Variants in MACROD2 observed in about 807,000 individuals in gnomAD.
MACROD2 encodes ADP-ribose glycohydrolase MACROD2.
In MACROD2, 36 loss-of-function variants were observed where a neutral mutation model predicts 70.4. That is an observed-to-expected ratio of 0.51 (90% confidence interval 0.39 to 0.68). MACROD2 has a LOEUF of 0.68. MACROD2 is among the 30% of genes least tolerant of loss of function. The pLI is 0.00. For synonymous variants in MACROD2, 172 were observed against 178.8 expected (o/e 0.96, Z 0.30); for missense variants, 496 against 538.4 (o/e 0.92, Z 0.78).
chr20:15,835,066 T>A (rs978472810), intron 8 of MACROD2, among the ~76,000 whole-genome samples: 1 of 152,178 alleles, frequency 6.6e-6, no homozygotes, highest in African/African-American at 2.4e-5. Context: ...ACAATCTCAA[T>A]TGGAGAGGAT....
At chr20:14,887,596 C>G (rs2073695944) in intron 5 of MACROD2, among the ~76,000 whole-genome samples, 1 of 151,840 alleles carries the variant, frequency 6.6e-6, no homozygotes, top group Non-Finnish European at 1.5e-5. Context: ...CCATGTTGCC[C>G]AGGCTGGTCT....
intron 4 of MACROD2, among the ~76,000 whole-genome samples, chr20:14,595,434 C>G (rs1226478123): frequency 6.6e-6 from 1 of 152,162 alleles, no homozygotes; most frequent in African/African-American, 2.4e-5. Flanking sequence ...TTCTGTGGCT[C>G]CATCCCAGTG....
chr20:14,207,421 AC>A (rs1412983843), intron 3 of MACROD2, among the ~76,000 whole-genome samples: 1 of 152,192 alleles, frequency 6.6e-6, no homozygotes, highest in East Asian at 1.9e-4. Flanking sequence ...TTCTTGACTG[AC>A]GAGGGAAGAA....
intron 3 of MACROD2, among the ~76,000 whole-genome samples, chr20:14,185,040 C>T (rs941006705): frequency 2.6e-4 from 39 of 152,134 alleles, no homozygotes; most frequent in African/African-American, 8.2e-4. Flanking sequence ...TATATCTATA[C>T]CCCATACCTA....
At chr20:14,051,728 T>A in intron 2 of MACROD2, 1 of 411,776 alleles carries the variant, frequency 2.4e-6, no homozygotes, top group Non-Finnish European at 4.8e-6. Context: ...AGGTATATCC[T>A]GGTGGGTATT....
Position 15,759,330 on chromosome 20 carries a change from A to G in MACROD2, c.646-103415A>G, listed in dbSNP as rs1028808331. On this transcript the variant is annotated intron_variant, in intron 8 of 17. Transcript: ENST00000684519. ...TATAGTACTTATGATTTTATATATT[A>G]CTAATGGAACTGGAAGTAAAAATAA... Among the ~76,000 whole-genome samples the G allele has an allele frequency of 2.0e-5, 3 of 152,290 alleles. No individual in the cohort carries two copies. In the South Asian group the frequency reaches 6.2e-4, roughly 32 times the overall value.
Position 15,618,536 on chromosome 20 carries a change from C to A in MACROD2, c.645+118689C>A, listed in dbSNP as rs573880979. Among the ~76,000 whole-genome samples the A allele has an allele frequency of 1.7e-4, 26 of 151,276 alleles. No individual in the cohort carries two copies. The South Asian group carries it at 4.9e-3, about 28-fold the overall frequency. ...AAGTCTCTCACCCCACCCTCCCAAC[C>A]CTGCCCCCAAGATTTCATTGAGATT... On this transcript the variant is annotated intron_variant, in intron 8 of 17. Coordinates refer to ENST00000684519, the MANE Select transcript of MACROD2 (RefSeq NM_001351661.2).
intron 3 of MACROD2, among the ~76,000 whole-genome samples, chr20:14,372,645 A>G (rs1033979979): frequency 1.3e-5 from 2 of 152,146 alleles, no homozygotes; most frequent in African/African-American, 4.8e-5. Context: ...CCCAGCTCTC[A>G]GCCTTCCATC....
chr20:15,526,748 T>C (rs2047727066), intron 8 of MACROD2, among the ~76,000 whole-genome samples: 1 of 152,204 alleles, frequency 6.6e-6, no homozygotes, highest in Non-Finnish European at 1.5e-5. Flanking sequence ...CCTGTGGTAG[T>C]TGACACTTCT....
intron 5 of MACROD2, among the ~76,000 whole-genome samples, chr20:15,136,653 C>G (rs1203559060): frequency 1.3e-5 from 2 of 151,848 alleles, no homozygotes; most frequent in South Asian, 4.2e-4. Context: ...TAGGCATGGG[C>G]AAGGACTTCA....
intron 10 of MACROD2, among the ~76,000 whole-genome samples, chr20:15,907,246 C>T (rs566956014): frequency 2.0e-4 from 30 of 152,160 alleles, no homozygotes; most frequent in Non-Finnish European, 3.5e-4. Flanking sequence ...TAAAACAGAA[C>T]GATCAGATTA....
At chr20:14,428,779 G>A (rs1313630054) in intron 3 of MACROD2, among the ~76,000 whole-genome samples, 1 of 152,120 alleles carries the variant, frequency 6.6e-6, no homozygotes, top group East Asian at 1.9e-4. Flanking sequence ...GAAATGGTAT[G>A]TGAAACATTC....
chr20:15,363,881 CAT>C (rs1232967277), intron 6 of MACROD2, among the ~76,000 whole-genome samples: 8 of 152,158 alleles, frequency 5.3e-5, no homozygotes, highest in Non-Finnish European at 1.0e-4. Context: ...CTAGCGGATG[CAT>C]ATGTTACAAG....
intron 3 of MACROD2, among the ~76,000 whole-genome samples, chr20:14,421,959 G>A (rs1419348179): frequency 6.6e-6 from 1 of 152,048 alleles, no homozygotes; most frequent in Non-Finnish European, 1.5e-5. Flanking sequence ...TTGATGTTCT[G>A]TCTGTTGTAC....
intron 8 of MACROD2, among the ~76,000 whole-genome samples, chr20:15,752,501 G>C (rs1219183442): frequency 6.6e-6 from 1 of 152,110 alleles, no homozygotes; most frequent in Admixed American, 6.6e-5. Context: ...TTCTGTTCCA[G>C]TATGAGCAGT....
At chr20:15,153,298 G>A (rs551901411) in intron 5 of MACROD2, among the ~76,000 whole-genome samples, 2 of 152,144 alleles carry the variant, frequency 1.3e-5, no homozygotes, top group East Asian at 3.9e-4. Context: ...GATTTGGGTA[G>A]GTAAATGAAA....
At chr20:14,641,331 G>A (rs1985079125) in intron 4 of MACROD2, among the ~76,000 whole-genome samples, 1 of 152,168 alleles carries the variant, frequency 6.6e-6, no homozygotes, top group Non-Finnish European at 1.5e-5. Flanking sequence ...CTCCACTGAA[G>A]TGTTTGAAGC....
intron 3 of MACROD2, among the ~76,000 whole-genome samples, chr20:14,093,678 A>AACCCC (rs2054183710): frequency 1.3e-5 from 2 of 151,856 alleles, no homozygotes; most frequent in Admixed American, 6.6e-5. Flanking sequence ...CAAAAAAAAA[A>AACCCC]AACCCCAAAA....
At chr20:14,155,329 T>C (rs550553210) in intron 3 of MACROD2, among the ~76,000 whole-genome samples, 16 of 152,172 alleles carry the variant, frequency 1.1e-4, no homozygotes, top group Non-Finnish European at 2.4e-4. Flanking sequence ...CAGTTAAAAA[T>C]TTCTTCCGAG....
Sources: allele counts gnomAD v4.1 joint callset (sites outside exome capture counted in the v4.1 genomes callset), GRCh38; gene constraint gnomAD v4.1.1; transcripts MANE v1.5; gene names NCBI Gene and HGNC (gene_info 2026-07-23, HGNC 2026-07-21).